The following RASSF8 variants were observed in gnomAD, a reference collection of about 807,000 sequenced individuals.
RASSF8 encodes Ras association domain family member 8.
Under a neutral mutation model 48.5 loss-of-function variants are expected in RASSF8, and 22 were observed. The ratio of observed to expected loss-of-function variants is 0.45; its 90% confidence interval spans 0.32 to 0.65. The LOEUF (loss-of-function observed/expected upper bound fraction) is 0.65, where lower values mean the gene tolerates loss of function less well. Among genes scored for constraint, RASSF8 ranks in the 30% least tolerant of loss-of-function variants. The pLI is 0.03. For synonymous variants in RASSF8, 127 were observed against 171.5 expected (o/e 0.74, Z 2.03); for missense variants, 418 against 489.2 (o/e 0.85, Z 1.37).
intron 2 of RASSF8, among the ~76,000 whole-genome samples, chr12:26,015,967 T>G (rs1330347960): frequency 3.9e-5 from 6 of 152,134 alleles, no homozygotes; most frequent in South Asian, 2.1e-4. Flanking sequence ...CAAGTGCTTG[T>G]GGCCAGTTGG....
chr12:25,996,201 C>G (rs915969260), intron 2 of RASSF8, among the ~76,000 whole-genome samples: 1 of 152,104 alleles, frequency 6.6e-6, no homozygotes, highest in African/African-American at 2.4e-5. Flanking sequence ...GTTATATCCA[C>G]GTGAGAGTCA....
At position 26,069,115 on chromosome 12, in the gene RASSF8, A is replaced by G; in HGVS notation, c.*297A>G. The G allele has an allele frequency of 9.9e-7, 1 of 1,006,706 alleles. No individual in the cohort carries two copies. The highest frequency in any genetic ancestry group is 1.2e-6 in the Non-Finnish European group (1 of 843,912). 62.4% of individuals were successfully genotyped at this position (1,006,706 alleles called of 1,614,324 possible). On this transcript the variant is annotated 3_prime_UTR_variant, in exon 6 of 6. Transcript: ENST00000689635. Reference sequence around the variant, plus strand: ...GGAAAGTATTATATAGTGTGTATACATAAATAAGCCGTGACTTAAGTAAGA... The same window carrying G: ...GGAAAGTATTATATAGTGTGTATACGTAAATAAGCCGTGACTTAAGTAAGA...
chr12:25,978,107 G>C (rs1356709481), intron 1 of RASSF8, among the ~76,000 whole-genome samples: 1 of 152,118 alleles, frequency 6.6e-6, no homozygotes, highest in African/African-American at 2.4e-5. Context: ...TAATGACAGT[G>C]GATTCAGTCC....
At position 25,966,549 on chromosome 12, in the gene RASSF8, G is replaced by A. The variant is rs193105850; in HGVS notation, c.-203+7401G>A. 2.0e-5 allele frequency among the ~76,000 whole-genome samples: 3 copies of A among 152,300 alleles called. No homozygotes were observed. The East Asian group carries it at 5.8e-4, about 29-fold the overall frequency. ...TTGCATTTCCCTAACAACTAGTGAT[G>A]TAAAGAATCTTTTCATGTGTTTTTT... On this transcript the variant is annotated intron_variant, in intron 1 of 5. Transcript: ENST00000689635.
intron 3 of RASSF8, among the ~76,000 whole-genome samples, chr12:26,063,405 G>GTTT (rs547055420): frequency 6.8e-6 from 1 of 147,612 alleles, no homozygotes; most frequent in African/African-American, 2.5e-5. Context: ...TGTTTGTTTT[G>GTTT]TTTTTTTTTT....
In RASSF8 at chr12:25,991,848, C is replaced by T. The variant is rs370125765; in HGVS notation, c.-202-3189C>T. On this transcript the variant is annotated intron_variant, in intron 1 of 5. Coordinates refer to ENST00000689635, the MANE Select transcript of RASSF8 (RefSeq NM_001394098.1). ...CATTGGGGGCCATTGTGGAGGCCAG[C>T]TACCAAAATAAAAGAATGCTTAATC... Among the ~76,000 whole-genome samples, 8 of 152,296 alleles carry T rather than the reference C, an allele frequency of 5.3e-5. No individual in the cohort carries two copies. The East Asian group carries it at 9.6e-4, about 18-fold the overall frequency.
At chr12:26,031,100 C>T (rs10842656) in intron 2 of RASSF8, among the ~76,000 whole-genome samples, 93,768 of 151,982 alleles carry the variant, frequency 0.62, 29,060 homozygotes, top group South Asian at 0.72. Flanking sequence ...TTTACAGTTA[C>T]GTAATGCCTG....
At chr12:26,011,309 A>T (rs917026993) in intron 2 of RASSF8, among the ~76,000 whole-genome samples, 1 of 152,168 alleles carries the variant, frequency 6.6e-6, no homozygotes, top group Admixed American at 6.5e-5. Flanking sequence ...TGTAGCCAGG[A>T]TTGCATAATA....
At chr12:26,012,269 A>G (rs1439185217) in intron 2 of RASSF8, among the ~76,000 whole-genome samples, 2 of 152,238 alleles carry the variant, frequency 1.3e-5, no homozygotes, top group African/African-American at 4.8e-5. Context: ...GACACATTCA[A>G]AGCACTTAGA....
At chr12:26,021,524 T>G (rs1365782773) in intron 2 of RASSF8, 1 of 152,160 alleles carries the variant, frequency 6.6e-6, no homozygotes, top group African/African-American at 2.4e-5. Flanking sequence ...TCCTGGTGAG[T>G]GTGCCAATGT....
chr12:25,977,040 C>G (rs1941623373), intron 1 of RASSF8, among the ~76,000 whole-genome samples: 1 of 152,178 alleles, frequency 6.6e-6, no homozygotes, highest in African/African-American at 2.4e-5. Flanking sequence ...TATCCATTAT[C>G]TAATTTGATT....
At chr12:26,006,078 C>A (rs149905798) in intron 2 of RASSF8, among the ~76,000 whole-genome samples, 2 of 152,292 alleles carry the variant, frequency 1.3e-5, no homozygotes, top group South Asian at 2.1e-4. Context: ...CACACACACA[C>A]CCTGCTTAGT....
At chr12:25,960,249 C>T (rs754565061) in intron 1 of RASSF8, among the ~76,000 whole-genome samples, 2 of 152,002 alleles carry the variant, frequency 1.3e-5, no homozygotes, top group Non-Finnish European at 1.5e-5. Context: ...TTCTTTTTTG[C>T]CTTTCATCTT....
At chr12:26,010,471 G>A (rs1035017964) in intron 2 of RASSF8, among the ~76,000 whole-genome samples, 3 of 152,134 alleles carry the variant, frequency 2.0e-5, no homozygotes, top group East Asian at 1.9e-4. Context: ...ACATGAGAAC[G>A]GAACTCCCAT....
At chr12:26,015,531 T>C (rs545938704) in intron 2 of RASSF8, among the ~76,000 whole-genome samples, 39 of 152,306 alleles carry the variant, frequency 2.6e-4, no homozygotes, top group African/African-American at 9.1e-4. Flanking sequence ...GAGATTGAGG[T>C]GAAATCTCAT....
chr12:26,069,139 G>A lies in RASSF8; in HGVS notation c.*321G>A. ...CATAAATAAGCCGTGACTTAAGTAA[G>A]AGTGAAGAGAAATTTGTGACTGGCT... On this transcript the variant is annotated 3_prime_UTR_variant, in exon 6 of 6. Transcript: ENST00000689635. The A allele has an allele frequency of 1.0e-6, 1 of 994,022 alleles. No homozygotes were observed. The highest frequency in any genetic ancestry group is 1.1e-4 in the East Asian group (1 of 9,338). The allele number at this position is 994,022 out of a possible 1,614,324, so 61.6% of individuals were successfully genotyped here. A position where few individuals can be genotyped will look rare whatever the true frequency, so the allele number is the denominator to read the frequency against.
rs1591817168 is a variant in RASSF8 at position 26,064,740 on chromosome 12, A to G, written c.346A>G (p.Ile116Val). The G allele has an allele frequency of 6.2e-7, 1 of 1,614,178 alleles. No individual in the cohort carries two copies. The highest frequency in any genetic ancestry group is 8.5e-7 in the Non-Finnish European group (1 of 1,180,016). ...CCCCTTAGCTAAACTGAGGCCTCAG[A>G]TTGACAAATCAATCAAAAGGAGGGA... ...LPPLAKLRPQ[I>V]DKSIKRREPK... The change falls in exon 4 of 6, where the codon ATT (isoleucine) becomes GTT (valine). Residue 116 changes from isoleucine (I) to valine (V), a missense_variant. Ile to Val is a conservative substitution (Grantham distance 29). Transcript: ENST00000689635.
At position 26,005,164 on chromosome 12, in the gene RASSF8, G is replaced by GGGGT. The variant is rs1555163266; in HGVS notation, c.-109+10035_-109+10036insGGTG. On this transcript the variant is annotated intron_variant, in intron 2 of 5. Transcript: ENST00000689635. ...TGTCTTTTTAAATTTTTACGGATGG[G>GGGGT]GTGTGTGTGTGTGTGTGTGTGTGTT... is the stretch of plus-strand genomic sequence containing the variant. 5.0e-3 allele frequency among the ~76,000 whole-genome samples: 753 copies of GGGGT among 149,986 alleles called. 8 individuals are homozygous for GGGGT. Among genetic ancestry groups the GGGGT allele is most frequent in the African/African-American group, 0.017 (705 of 40,516 alleles).
Position 26,070,121 on chromosome 12 carries a change from G to A in RASSF8, c.*1303G>A. The A allele has an allele frequency of 2.1e-6, 2 of 971,740 alleles. No individual in the cohort carries two copies. Among genetic ancestry groups the A allele is most frequent in the East Asian group, 1.1e-4 (1 of 8,736 alleles). The allele number at this position is 971,740 out of a possible 1,614,324, so 60.2% of individuals were successfully genotyped here. On this transcript the variant is annotated 3_prime_UTR_variant, in exon 6 of 6. Transcript: ENST00000689635. ...ATTCCCTCTGGTTAGATTTGGTACAGTATAATTAAGACTTTAATCTGAAAT... is the reference window on the plus strand; with the variant it reads ...ATTCCCTCTGGTTAGATTTGGTACAATATAATTAAGACTTTAATCTGAAAT...
Sources: allele counts gnomAD v4.1 joint callset (sites outside exome capture counted in the v4.1 genomes callset), GRCh38; gene constraint gnomAD v4.1.1; transcripts MANE v1.5; gene names NCBI Gene and HGNC (gene_info 2026-07-23, HGNC 2026-07-21).